Variants in NCAM2 observed in about 807,000 individuals in gnomAD.
NCAM2 encodes the protein N-CAM-2.
In NCAM2, 30 loss-of-function variants were observed where a neutral mutation model predicts 98.1. The observed-to-expected ratio is 0.31, with a 90% CI of 0.23 to 0.41. The LOEUF (loss-of-function observed/expected upper bound fraction) is 0.41, where lower values mean the gene tolerates loss of function less well. Ranked by LOEUF, NCAM2 falls within the 10% of genes least tolerant of loss-of-function variation. The probability of loss-of-function intolerance (pLI) is 1.00; values close to 1 mark genes in which losing one functional copy is unlikely to be tolerated. For missense variants in NCAM2, 867 were observed against 1,005.8 expected (o/e 0.86, Z 1.87); for synonymous variants, 368 against 342.4 (o/e 1.07, Z -0.83).
chr21:21,125,514 T>TATATAATATGTAATATATAATATATTAC lies in NCAM2; in HGVS notation c.55+126916_55+126917insTATATTACATATAATATGTAATATATAA, dbSNP rs1569049562. Among the ~76,000 whole-genome samples the TATATAATATGTAATATATAATATATTAC allele has an allele frequency of 1.9e-4, 24 of 124,366 alleles. 1 individual carries two copies. The highest frequency in any genetic ancestry group is 5.0e-4 in the African/African-American group (17 of 34,306). 81.6% of individuals were successfully genotyped at this position (124,366 alleles called of 152,430 possible). ...TATATGTAATATGTAATATTTTACA[T>TATATAATATGTAATATATAATATATTAC]ATATAATATGTAATATATAAAATAT... On this transcript the variant is annotated intron_variant, in intron 1 of 17. Transcript: ENST00000400546.
chr21:21,396,955 G>A (rs1291888658), intron 9 of NCAM2, among the ~76,000 whole-genome samples: 1 of 152,130 alleles, frequency 6.6e-6, no homozygotes, highest in Admixed American at 6.5e-5. Flanking sequence ...AGCTCTTTCA[G>A]TCCCGCCATT....
intron 1 of NCAM2, among the ~76,000 whole-genome samples, chr21:21,196,686 G>C (rs1320221010): frequency 1.3e-5 from 2 of 152,178 alleles, no homozygotes; most frequent in Non-Finnish European, 2.9e-5. Context: ...CCAGAAACTG[G>C]AGAGCACAGA....
chr21:21,144,468 A>G (rs2067231907), intron 1 of NCAM2, among the ~76,000 whole-genome samples: 1 of 152,092 alleles, frequency 6.6e-6, no homozygotes, highest in Admixed American at 6.5e-5. Context: ...CCAAACCAAA[A>G]TCATTGCTGA....
intron 15 of NCAM2, among the ~76,000 whole-genome samples, chr21:21,490,211 T>C (rs1986732743): frequency 6.6e-6 from 1 of 151,736 alleles, no homozygotes; most frequent in African/African-American, 2.4e-5. Context: ...TAGCTAATAT[T>C]CTGTAAAACT....
Position 21,477,294 on chromosome 21 carries a change from G to T in NCAM2, c.1900G>T (p.Asp634Tyr). The change falls in exon 15 of 18, where the codon GAT (aspartate) becomes TAT (tyrosine). Residue 634 changes from aspartate to tyrosine, a missense_variant. This residue lies in a region of NCAM2 where 234 missense variants were observed against 333.8 expected (regional missense o/e 0.70). Coordinates refer to ENST00000400546, the MANE Select transcript of NCAM2 (RefSeq NM_004540.5). ...TGCATTTTTATTGCTTTCACAGAAA[G>T]ATAAGGAAGACCAATGGCTAGAGAA... ...LEYIVKYRSK[D>Y]KEDQWLEKKV... 1 of 1,589,156 alleles carries T rather than the reference G, an allele frequency of 6.3e-7. No individual in the cohort carries two copies. Among genetic ancestry groups the T allele is most frequent in the Non-Finnish European group, 8.6e-7 (1 of 1,166,286 alleles).
chr21:21,192,152 G>A (rs2068843100), intron 1 of NCAM2, among the ~76,000 whole-genome samples: 1 of 152,134 alleles, frequency 6.6e-6, no homozygotes, highest in African/African-American at 2.4e-5. Flanking sequence ...GAATCCAGGA[G>A]GCAGAGGTTG....
intron 1 of NCAM2, among the ~76,000 whole-genome samples, chr21:21,173,098 T>G (rs954238773): frequency 6.6e-6 from 1 of 152,140 alleles, no homozygotes; most frequent in Non-Finnish European, 1.5e-5. Flanking sequence ...ACATTATGCC[T>G]GAAGCATAGA....
At chr21:21,333,970 T>A (rs893109256) in intron 6 of NCAM2, among the ~76,000 whole-genome samples, 1 of 152,072 alleles carries the variant, frequency 6.6e-6, no homozygotes, top group Admixed American at 6.6e-5. Flanking sequence ...TATTATTTTT[T>A]TTTTCGGACA....
intron 5 of NCAM2, among the ~76,000 whole-genome samples, chr21:21,302,251 CT>C (rs1345215496): frequency 5.3e-5 from 8 of 152,030 alleles, no homozygotes; most frequent in Admixed American, 5.3e-4. Flanking sequence ...AGTTTGGGGT[CT>C]TTTATTTGAA....
chr21:21,442,129 G>A (rs777184564), intron 12 of NCAM2, among the ~76,000 whole-genome samples: 1 of 152,054 alleles, frequency 6.6e-6, no homozygotes, highest in Admixed American at 6.6e-5. Context: ...CAGTCCTTTG[G>A]GGTGTTTTGT....
intron 9 of NCAM2, among the ~76,000 whole-genome samples, chr21:21,401,648 A>C (rs554501170): frequency 3.9e-5 from 6 of 152,036 alleles, no homozygotes; most frequent in Non-Finnish European, 7.4e-5. Flanking sequence ...ATTTCCTTCT[A>C]TTTTCATTTT....
intron 1 of NCAM2, among the ~76,000 whole-genome samples, chr21:21,033,676 C>A (rs772306948): frequency 1.2e-4 from 18 of 151,992 alleles, no homozygotes; most frequent in Non-Finnish European, 2.2e-4. Context: ...GCTTATTAAG[C>A]GGATTAAAAT....
chr21:21,208,903 A>T (rs2147069455), intron 1 of NCAM2, among the ~76,000 whole-genome samples: 1 of 152,300 alleles, frequency 6.6e-6, no homozygotes, highest in South Asian at 2.1e-4. Context: ...ATGTTCAATA[A>T]CATAAACCTG....
At chr21:21,167,294 A>G (rs1226564970) in intron 1 of NCAM2, among the ~76,000 whole-genome samples, 1 of 152,128 alleles carries the variant, frequency 6.6e-6, no homozygotes, top group Non-Finnish European at 1.5e-5. Flanking sequence ...GATTAGATGT[A>G]GATTTTGAAG....
At chr21:21,237,833 T>C (rs894274845) in intron 1 of NCAM2, among the ~76,000 whole-genome samples, 1 of 152,074 alleles carries the variant, frequency 6.6e-6, no homozygotes, top group African/African-American at 2.4e-5. Context: ...ATATTTAGCA[T>C]TACTTGGTAG....
At chr21:21,433,467 C>T (rs899567205) in intron 12 of NCAM2, among the ~76,000 whole-genome samples, 2 of 151,678 alleles carry the variant, frequency 1.3e-5, no homozygotes, top group East Asian at 1.9e-4. Flanking sequence ...GGGCCAGGAG[C>T]GGTGGCTCAT....
intron 1 of NCAM2, among the ~76,000 whole-genome samples, chr21:21,068,065 T>C (rs1792571734): frequency 6.6e-6 from 1 of 152,276 alleles, no homozygotes; most frequent in Admixed American, 6.5e-5. Flanking sequence ...CATTTAACTT[T>C]TTGTGAAAGA....
At chr21:21,110,365 A>G (rs551161244) in intron 1 of NCAM2, among the ~76,000 whole-genome samples, 2 of 152,144 alleles carry the variant, frequency 1.3e-5, no homozygotes, top group South Asian at 4.1e-4. Flanking sequence ...GATACCTTCC[A>G]GGCCCCAGTT....
intron 1 of NCAM2, among the ~76,000 whole-genome samples, chr21:21,145,852 A>G (rs1474795817): frequency 6.6e-6 from 1 of 152,186 alleles, no homozygotes; most frequent in Non-Finnish European, 1.5e-5. Flanking sequence ...ACTCAGGTAG[A>G]GTGTGATAGA....
Sources: gnomAD v4.1 joint callset for allele counts (sites outside exome capture counted in the v4.1 genomes callset) on GRCh38, gnomAD v4.1.1 for gene constraint, gnomAD v4.1.1 regional missense constraint, MANE v1.5 for transcripts, NCBI Gene and HGNC (gene_info 2026-07-23, HGNC 2026-07-21) for gene names.